Variants in PRKD1 observed in about 807,000 individuals in gnomAD.
PRKD1 encodes the protein serine/threonine-protein kinase D1.
Under a neutral mutation model 95.9 loss-of-function variants are expected in PRKD1, and 63 were observed. The observed-to-expected ratio is 0.66, with a 90% CI of 0.54 to 0.81. The LOEUF (loss-of-function observed/expected upper bound fraction) is 0.81, where lower values mean the gene tolerates loss of function less well. PRKD1 is among the 30% of genes least tolerant of loss of function. The pLI, the probability that PRKD1 is intolerant of heterozygous loss-of-function variation, is 0.00. For missense variants in PRKD1, 1,048 were observed against 1,165.3 expected, an observed-to-expected ratio of 0.90 and a Z score of 1.47; for synonymous variants, 425 against 423.1, an observed-to-expected ratio of 1.00 and a Z score of -0.05.
intron 2 of PRKD1, among the ~76,000 whole-genome samples, chr14:29,712,469 A>G (rs1240288756): frequency 1.3e-5 from 2 of 152,194 alleles, no homozygotes; most frequent in Non-Finnish European, 2.9e-5. Flanking sequence ...AAATTGCTTT[A>G]TAACATGAAA....
At chr14:29,817,709 C>G (rs1328708782) in intron 1 of PRKD1, among the ~76,000 whole-genome samples, 1 of 152,074 alleles carries the variant, frequency 6.6e-6, no homozygotes, top group Non-Finnish European at 1.5e-5. Flanking sequence ...GATTTGAACC[C>G]AAGCAGCAAG....
At chr14:29,762,042 G>C (rs1888017427) in intron 1 of PRKD1, among the ~76,000 whole-genome samples, 2 of 152,036 alleles carry the variant, frequency 1.3e-5, no homozygotes, top group Non-Finnish European at 1.5e-5. Context: ...ACAGCACAAG[G>C]ATTATAGGTG....
At chr14:29,702,470 G>A (rs373428580) in intron 2 of PRKD1, among the ~76,000 whole-genome samples, 1 of 151,916 alleles carries the variant, frequency 6.6e-6, no homozygotes, top group Non-Finnish European at 1.5e-5. Context: ...GGTTAAGAAA[G>A]TTTATCTTTA....
intron 1 of PRKD1, among the ~76,000 whole-genome samples, chr14:29,801,760 C>T (rs1263566916): frequency 6.6e-6 from 1 of 152,150 alleles, no homozygotes; most frequent in African/African-American, 2.4e-5. Flanking sequence ...ACAATCTCGG[C>T]TCATCGCAAC....
chr14:29,791,721 G>A (rs1361208106), intron 1 of PRKD1, among the ~76,000 whole-genome samples: 1 of 152,064 alleles, frequency 6.6e-6, no homozygotes, highest in African/African-American at 2.4e-5. Flanking sequence ...TCCATCTGTT[G>A]ATGCACATGT....
At chr14:29,826,128 C>G (rs866302654) in intron 1 of PRKD1, among the ~76,000 whole-genome samples, 1 of 148,384 alleles carries the variant, frequency 6.7e-6, no homozygotes, top group Non-Finnish European at 1.5e-5. Flanking sequence ...GTGTCTCTCT[C>G]TATATATATA....
chr14:29,650,789 C>T (rs150699352), intron 4 of PRKD1, among the ~76,000 whole-genome samples: 10 of 152,252 alleles, frequency 6.6e-5, no homozygotes, highest in African/African-American at 9.6e-5. Context: ...CTGTAACTTA[C>T]GCTTATCTAT....
chr14:29,622,896 T>C (rs1781824353), intron 13 of PRKD1, among the ~76,000 whole-genome samples: 2 of 152,200 alleles, frequency 1.3e-5, no homozygotes, highest in African/African-American at 4.8e-5. Context: ...TAATGAAGAA[T>C]AAATATCTCC....
intron 4 of PRKD1, among the ~76,000 whole-genome samples, chr14:29,640,657 C>T (rs1264105515): frequency 6.6e-6 from 1 of 152,174 alleles, no homozygotes; most frequent in African/African-American, 2.4e-5. Context: ...AGGGTAAACT[C>T]CCTGTTCCAG....
At chr14:29,811,362 T>G (rs1349078721) in intron 1 of PRKD1, among the ~76,000 whole-genome samples, 1 of 152,150 alleles carries the variant, frequency 6.6e-6, no homozygotes, top group Non-Finnish European at 1.5e-5. Flanking sequence ...GCCAGAGCAA[T>G]GCTCTGTGCA....
chr14:29,900,386 T>A (rs1439388967), intron 1 of PRKD1, among the ~76,000 whole-genome samples: 1 of 152,104 alleles, frequency 6.6e-6, no homozygotes, highest in African/African-American at 2.4e-5. Context: ...TTGGCTTTGA[T>A]AATGAAAAAA....
At chr14:29,604,795 T>C (rs4981711) in intron 13 of PRKD1, among the ~76,000 whole-genome samples, 75,508 of 152,026 alleles carry the variant, frequency 0.5, 20,981 homozygotes, top group African/African-American at 0.76. Context: ...TATAAAAGTA[T>C]TTGTTAAAGA....
intron 1 of PRKD1, among the ~76,000 whole-genome samples, chr14:29,778,419 G>T (rs1258666397): frequency 1.3e-5 from 2 of 152,010 alleles, no homozygotes; most frequent in African/African-American, 4.8e-5. Context: ...AAAGAGAGAA[G>T]ATTCAAATAG....
At chr14:29,767,138 C>T (rs768980491) in intron 1 of PRKD1, among the ~76,000 whole-genome samples, 19 of 152,154 alleles carry the variant, frequency 1.2e-4, no homozygotes, top group African/African-American at 4.6e-4. Context: ...TCTCCTGAAT[C>T]TTTTCTTCTC....
chr14:29,715,972 C>A (rs559177911), intron 2 of PRKD1, among the ~76,000 whole-genome samples: 6 of 152,286 alleles, frequency 3.9e-5, no homozygotes, highest in Non-Finnish European at 8.8e-5. Context: ...TTCTTAATAT[C>A]CAAGTCCTGT....
chr14:29,799,798 C>T (rs1290822385), intron 1 of PRKD1, among the ~76,000 whole-genome samples: 3 of 152,198 alleles, frequency 2.0e-5, no homozygotes, highest in African/African-American at 4.8e-5. Flanking sequence ...CAGACATGCA[C>T]GGAGTGGCAA....
At chr14:29,745,523 C>A (rs1225965559) in intron 1 of PRKD1, among the ~76,000 whole-genome samples, 1 of 152,132 alleles carries the variant, frequency 6.6e-6, no homozygotes, top group African/African-American at 2.4e-5. Flanking sequence ...GGCTGGAGTG[C>A]AATGGTGCAA....
At chr14:29,656,000 CT>C (rs146028129) in intron 4 of PRKD1, among the ~76,000 whole-genome samples, 3,332 of 151,816 alleles carry the variant, frequency 0.022, 110 homozygotes, top group African/African-American at 0.071. Context: ...TTACAGCCAT[CT>C]TTAGGCAGTA....
chr14:29,717,225 GT>G (rs1420136980), intron 2 of PRKD1, among the ~76,000 whole-genome samples: 1 of 152,092 alleles, frequency 6.6e-6, no homozygotes, highest in African/African-American at 2.4e-5. Flanking sequence ...AGATCCTAAA[GT>G]TTCAAATATT....
Sources: gnomAD v4.1 joint callset for allele counts (sites outside exome capture counted in the v4.1 genomes callset) on GRCh38, gnomAD v4.1.1 for gene constraint, MANE v1.5 for transcripts, NCBI Gene and HGNC (gene_info 2026-07-23, HGNC 2026-07-21) for gene names.